Variants in PTPRS observed in about 807,000 individuals in gnomAD.
The protein encoded by PTPRS is receptor-type tyrosine-protein phosphatase S.
In PTPRS, 63 loss-of-function variants were observed where a neutral mutation model predicts 215.3. The observed-to-expected ratio is 0.29, with a 90% CI of 0.24 to 0.36. The LOEUF is 0.36. Among genes scored for constraint, PTPRS ranks in the 10% least tolerant of loss-of-function variants. PTPRS has a pLI of 1.00. For missense variants in PTPRS, 2,258 were observed against 2,825.8 expected, an observed-to-expected ratio of 0.80 and a Z score of 4.56; for synonymous variants, 1,404 against 1,191.4, an observed-to-expected ratio of 1.18 and a Z score of -3.68.
At chr19:5,262,805 G>A (rs1315125359) in intron 6 of PTPRS, among the ~76,000 whole-genome samples, 159 bp downstream of exon 6, 2 of 152,056 alleles carry the variant, frequency 1.3e-5, no homozygotes, top group African/African-American at 4.8e-5. Flanking sequence ...TGAGGGGCCG[G>A]TCGCGGGGAG....
chr19:5,269,380 A>G (rs2046709238), intron 4 of PTPRS, among the ~76,000 whole-genome samples: 1 of 152,064 alleles, frequency 6.6e-6, no homozygotes, highest in East Asian at 1.9e-4. Context: ...AGTTTAATTA[A>G]AACAACAGTG....
intron 25 of PTPRS, 80 bp downstream of exon 25, chr19:5,218,340 C>T: frequency 7.5e-7 from 1 of 1,327,256 alleles, no homozygotes; most frequent in Non-Finnish European, 1.1e-6. Flanking sequence ...CAATGAGGGG[C>T]CCCCAGGGTG....
chr19:5,256,780 A>T (rs1023594848), intron 8 of PTPRS, among the ~76,000 whole-genome samples: 1 of 151,962 alleles, frequency 6.6e-6, no homozygotes, highest in Non-Finnish European at 1.5e-5. Context: ...TCCTCCTCAG[A>T]GACAAAATGC....
intron 2 of PTPRS, among the ~76,000 whole-genome samples, chr19:5,281,701 G>A (rs2047864292): frequency 6.6e-6 from 1 of 152,170 alleles, no homozygotes; most frequent in Non-Finnish European, 1.5e-5. Context: ...AAGTCACTGT[G>A]GCCGGGTCAA....
intron 13 of PTPRS, among the ~76,000 whole-genome samples, chr19:5,233,639 T>C (rs892145064): frequency 2.6e-5 from 4 of 151,560 alleles, no homozygotes; most frequent in Admixed American, 1.3e-4. Flanking sequence ...AAGGGCTTCA[T>C]AGAATAATAG....
At position 5,206,242 on chromosome 19, in the gene PTPRS, G is replaced by T; in HGVS notation, c.*532C>A. 1 of 167,564 alleles carries T rather than the reference G, an allele frequency of 6.0e-6. No homozygotes were observed. Among genetic ancestry groups the T allele is most frequent in the African/African-American group, 3.4e-5 (1 of 29,408 alleles). The allele number at this position is 167,564 out of a possible 1,614,324, so 10.4% of individuals were successfully genotyped here. A position where few individuals can be genotyped will look rare whatever the true frequency, so the allele number is the denominator to read the frequency against. On this transcript the variant is annotated 3_prime_UTR_variant, in exon 38 of 38. Coordinates refer to ENST00000262963, the MANE Select transcript of PTPRS (RefSeq NM_002850.4). ...TCATTGACTGGCGAGTCTTTTGTTT[G>T]TTTCTCTTAAAAAAAAAAATGGAAA...
chr19:5,208,184 A>C (rs1230124594), intron 36 of PTPRS, 53 bp downstream of exon 36: 12 of 1,556,674 alleles, frequency 7.7e-6, no homozygotes, highest in Non-Finnish European at 9.6e-6. Context: ...TGTCCCCACC[A>C]GGCCTCAGTT....
At position 5,282,205 on chromosome 19, in the gene PTPRS, T is replaced by C. The variant is rs114883176; in HGVS notation, c.91+3845A>G. 3.4e-3 allele frequency among the ~76,000 whole-genome samples: 522 copies of C among 152,146 alleles called. 2 individuals are homozygous for C. The highest frequency in any genetic ancestry group is 0.012 in the African/African-American group (495 of 41,506). Reference sequence around the variant, plus strand: ...CTCTCGGATTTGGAGGGGTTCTACCTCTCGGAAGCACCCCCATCACTGCAG... The same window carrying C: ...CTCTCGGATTTGGAGGGGTTCTACCCCTCGGAAGCACCCCCATCACTGCAG... On this transcript the variant is annotated intron_variant, in intron 2 of 37. Coordinates refer to ENST00000262963, the MANE Select transcript of PTPRS (RefSeq NM_002850.4).
At chr19:5,340,218 G>A (rs1372896327) in intron 1 of PTPRS, among the ~76,000 whole-genome samples, 1 of 149,170 alleles carries the variant, frequency 6.7e-6, no homozygotes, top group Non-Finnish European at 1.5e-5. Context: ...CCTGCCTCCA[G>A]GACCCGCCCG....
At chr19:5,227,852 A>G (rs1366868526) in intron 16 of PTPRS, among the ~76,000 whole-genome samples, 2 of 152,150 alleles carry the variant, frequency 1.3e-5, no homozygotes, top group Non-Finnish European at 2.9e-5. Flanking sequence ...ATGACAGCAC[A>G]GAACACTCCC....
In PTPRS at chr19:5,339,854, C is replaced by T. The variant is rs2050631081; in HGVS notation, c.-95+810G>A. ...CCCCACTCTCGGGATCCCCACGGGG[C>T]CCCCAGCGCGGAGGGGAGACTGGGG... is the stretch of plus-strand genomic sequence containing the variant. On this transcript the variant is annotated intron_variant, in intron 1 of 37. Coordinates refer to ENST00000262963, the MANE Select transcript of PTPRS (RefSeq NM_002850.4). The surrounding 1 kb of genome is among the most constrained non-coding windows in gnomAD (Gnocchi z 4.2). Among the ~76,000 whole-genome samples the T allele has an allele frequency of 6.6e-6, 1 of 151,828 alleles. No individual in the cohort carries two copies. Among genetic ancestry groups the T allele is most frequent in the African/African-American group, 2.4e-5 (1 of 41,382 alleles).
chr19:5,218,376 C>T, intron 25 of PTPRS, 44 bp downstream of exon 25: 2 of 1,561,776 alleles, frequency 1.3e-6, no homozygotes, highest in Non-Finnish European at 1.8e-6. Context: ...CCCCAGCTAT[C>T]TCCCCTGTTG....
rs1315969049 is a variant in PTPRS, at chr19:5,339,558, T to C, written c.-95+1106A>G. On this transcript the variant is annotated intron_variant, in intron 1 of 37. Coordinates refer to ENST00000262963, the MANE Select transcript of PTPRS (RefSeq NM_002850.4). The surrounding 1 kb of genome is among the most constrained non-coding windows in gnomAD (Gnocchi z 4.2). Reference sequence around the variant, plus strand: ...GGGAATTGGTGGGAAATGTCCAGGATTTGTAGGGGGAGGTCCGAAGGGGAG... The same window carrying C: ...GGGAATTGGTGGGAAATGTCCAGGACTTGTAGGGGGAGGTCCGAAGGGGAG... 6.6e-6 allele frequency among the ~76,000 whole-genome samples: 1 copy of C among 151,348 alleles called. No homozygotes were observed. Among genetic ancestry groups the C allele is most frequent in the East Asian group, 2.0e-4 (1 of 5,088 alleles).
chr19:5,297,222 C>T (rs746396424), intron 1 of PTPRS, among the ~76,000 whole-genome samples: 2 of 152,210 alleles, frequency 1.3e-5, no homozygotes, highest in Non-Finnish European at 2.9e-5. Flanking sequence ...ATCACGTCAG[C>T]TCCCACAGCT....
chr19:5,219,516 T>G (rs751118127), intron 22 of PTPRS, 49 bp from the exon 23 acceptor site: 3 of 1,506,906 alleles, frequency 2.0e-6, no homozygotes, highest in East Asian at 2.3e-5. Flanking sequence ...CTCCTTGTAG[T>G]GGCCAGATGG....
chr19:5,227,006 A>G (rs553724319), intron 16 of PTPRS, among the ~76,000 whole-genome samples: 1 of 152,186 alleles, frequency 6.6e-6, no homozygotes, highest in African/African-American at 2.4e-5. Context: ...CCAATGCTAC[A>G]AAACAGGACT....
chr19:5,330,386 G>C (rs1400560287), intron 1 of PTPRS, among the ~76,000 whole-genome samples: 1 of 152,206 alleles, frequency 6.6e-6, no homozygotes, highest in Non-Finnish European at 1.5e-5. Context: ...AAAACACAGG[G>C]CCAGGCACAC....
intron 1 of PTPRS, among the ~76,000 whole-genome samples, chr19:5,299,981 C>A (rs1236291445): frequency 1.3e-5 from 2 of 152,092 alleles, no homozygotes; most frequent in African/African-American, 4.8e-5. Context: ...TGGCTCCCAC[C>A]TGTAATCCCA....
rs935007035 is a variant in PTPRS, at chr19:5,257,160, A to T, written c.706+857T>A. ...CAACACACGAGATAAGAGGAGGCCA[A>T]CGGAGGCATCTGGGGGCAAGGGAGC... On this transcript the variant is annotated intron_variant, in intron 8 of 37. Transcript: ENST00000262963. This position sits in a 1 kb window ranked among gnomAD's most constrained non-coding sequence, Gnocchi z 4.4. Among the ~76,000 whole-genome samples the T allele has an allele frequency of 6.6e-6, 1 of 150,622 alleles. No homozygotes were observed. Among genetic ancestry groups the T allele is most frequent in the Non-Finnish European group, 1.5e-5 (1 of 67,656 alleles).
Sources: gnomAD v4.1 joint callset for allele counts (sites outside exome capture counted in the v4.1 genomes callset) on GRCh38, gnomAD v4.1.1 for gene constraint, Gnocchi (gnomAD v3.1) non-coding constraint, MANE v1.5 for transcripts, NCBI Gene and HGNC (gene_info 2026-07-23, HGNC 2026-07-21) for gene names.